Variants in ATXN2 observed in about 807,000 individuals in gnomAD.
ATXN2 encodes the protein ataxin 2, also known as ataxin-2.
Under a neutral mutation model 138.6 loss-of-function variants are expected in ATXN2, and 37 were observed. That is an observed-to-expected ratio of 0.27 (90% CI 0.21 to 0.35). The LOEUF is 0.35. Ranked by LOEUF, ATXN2 falls within the 10% of genes least tolerant of loss-of-function variation. ATXN2 has a pLI of 1.00. For synonymous variants in ATXN2, 549 were observed against 543.7 expected, an observed-to-expected ratio of 1.01 and a Z score of -0.13; for missense variants, 1,216 against 1,480.3, an observed-to-expected ratio of 0.82 and a Z score of 2.93.
chr12:111,566,539 A>C (rs895464085), intron 1 of ATXN2, among the ~76,000 whole-genome samples: 6 of 152,148 alleles, frequency 3.9e-5, no homozygotes, highest in African/African-American at 1.4e-4. Context: ...CTTTCTAAAA[A>C]GTATTCACCA....
rs777398096 is a variant in ATXN2, at chr12:111,539,850, A to G, written c.571+12430T>C. ...TTCAGAAATGTTCAAGAATCAAAAAACAGAATTTAGGAATTGAAATGCCAA... is the reference window on the plus strand; with the variant it reads ...TTCAGAAATGTTCAAGAATCAAAAAGCAGAATTTAGGAATTGAAATGCCAA... On this transcript the variant is annotated intron_variant, in intron 5 of 24. Transcript: ENST00000673436. Among the ~76,000 whole-genome samples the G allele has an allele frequency of 6.7e-4, 101 of 150,664 alleles. 12 individuals are homozygous for G. The highest frequency in any genetic ancestry group is 2.1e-3 in the South Asian group (10 of 4,774).
At chr12:111,544,590 G>C (rs1247506382) in intron 5 of ATXN2, among the ~76,000 whole-genome samples, 1 of 152,188 alleles carries the variant, frequency 6.6e-6, no homozygotes, top group East Asian at 1.9e-4. Context: ...GTGTGTGGTA[G>C]CTGGCAGTGT....
rs1875346925 is a variant in ATXN2, at chr12:111,458,934, C to G, written c.2897-1575G>C. Among the ~76,000 whole-genome samples the G allele has an allele frequency of 2.6e-5, 4 of 152,220 alleles. No individual in the cohort carries two copies. The South Asian group carries it at 6.2e-4, about 24-fold the overall frequency. The stretch of plus-strand genomic sequence containing the variant: ...AACTCTCCAGCCCTAACAGTTACGT[C>G]TCCAGCTGCAAAGCTATCTCTTAGC... On this transcript the variant is annotated intron_variant, in intron 21 of 24. Coordinates refer to ENST00000673436, the MANE Select transcript of ATXN2 (RefSeq NM_001372574.1).
At chr12:111,593,436 G>A (rs184223314) in intron 1 of ATXN2, among the ~76,000 whole-genome samples, 2 of 152,070 alleles carry the variant, frequency 1.3e-5, no homozygotes, top group Admixed American at 1.3e-4. Context: ...CTATTAAATA[G>A]CTACAATATG....
intron 14 of ATXN2, among the ~76,000 whole-genome samples, chr12:111,507,783 G>A (rs924197317): frequency 3.3e-5 from 5 of 152,256 alleles, no homozygotes; most frequent in African/African-American, 1.2e-4. Flanking sequence ...GAAAGAAGTA[G>A]ACATGGTAGA....
At chr12:111,507,418 C>T (rs1352694653) in intron 14 of ATXN2, among the ~76,000 whole-genome samples, 2 of 151,236 alleles carry the variant, frequency 1.3e-5, no homozygotes, top group Non-Finnish European at 1.5e-5. Context: ...TGAGAAGCCC[C>T]TCCGCCTGGC....
chr12:111,486,808 T>C lies in ATXN2; in HGVS notation c.2257A>G (p.Thr753Ala), dbSNP rs754020005. Reference protein sequence around the residue: ...KDAAEQVRKSTLNPNAKEFNP... With the variant: ...KDAAEQVRKSALNPNAKEFNP... ...AACTCCTTTGCATTGGGATTCAATG[T>C]TGATTTCCTAACTTGCCTAAAAAAA... Residue 753 changes from threonine (T) to alanine (A), a missense_variant, in exon 16 of 25, where the codon ACA becomes GCA. By Grantham distance (58) the Thr-to-Ala change is moderately conservative (BLOSUM62 0). Around this residue, in one of 4 missense-constraint regions of ATXN2, gnomAD observed 490 missense variants for 653.5 expected, o/e 0.75. Transcript: ENST00000673436. 3.1e-6 allele frequency: 5 copies of C among 1,612,900 alleles called. No individual in the cohort carries two copies. The highest frequency in any genetic ancestry group is 3.4e-6 in the Non-Finnish European group (4 of 1,179,110).
At chr12:111,537,039 T>C (rs1881224749) in intron 5 of ATXN2, among the ~76,000 whole-genome samples, 2 of 151,800 alleles carry the variant, frequency 1.3e-5, no homozygotes, top group African/African-American at 4.8e-5. Context: ...AGCCCCAGCC[T>C]CCCAAAGTGC....
chr12:111,541,346 CTTTTTTTTTTTT>C (rs62932861), intron 5 of ATXN2, among the ~76,000 whole-genome samples: 1 of 67,448 alleles, frequency 1.5e-5, no homozygotes. Context: ...AGTTATAATT[CTTTTTTTTTTTT>C]TTTTTTTTTT....
At chr12:111,492,607 G>A (rs1489725250) in intron 14 of ATXN2, among the ~76,000 whole-genome samples, 3 of 152,006 alleles carry the variant, frequency 2.0e-5, no homozygotes, top group Non-Finnish European at 4.4e-5. Flanking sequence ...GCTTGAATCC[G>A]GGAGACGGAG....
At chr12:111,597,803 C>T (rs1885012344) in intron 1 of ATXN2, 1 of 1,217,480 alleles carries the variant, frequency 8.2e-7, no homozygotes, top group Middle Eastern at 2.2e-4. Context: ...TCTCTCCTAG[C>T]ATTTCCGAAA....
intron 5 of ATXN2, among the ~76,000 whole-genome samples, chr12:111,526,909 C>T (rs1313805337): frequency 6.6e-6 from 1 of 152,122 alleles, no homozygotes; most frequent in Non-Finnish European, 1.5e-5. Context: ...CATATATAAC[C>T]ACTCTGCTAC....
Position 111,488,786 on chromosome 12 carries a change from T to C in ATXN2, c.1936-6A>G. ...GAAGTAGAACTTGGCTGTAACTAAA[T>C]AAAGGAAACAATTATACTTAAATAT... On this transcript the variant is annotated splice_polypyrimidine_tract_variant and splice_region_variant and intron_variant, in intron 14 of 24. Transcript: ENST00000673436. 1 of 1,587,166 alleles carries C rather than the reference T, an allele frequency of 6.3e-7. No homozygotes were observed. Among genetic ancestry groups the C allele is most frequent in the African/African-American group, 1.3e-5 (1 of 74,176 alleles).
Position 111,495,546 on chromosome 12 carries a change from C to T in ATXN2, c.1936-6766G>A, listed in dbSNP as rs542350451. On this transcript the variant is annotated intron_variant, in intron 14 of 24. Transcript: ENST00000673436. Reference sequence around the variant, plus strand: ...GGATCAATTCGGCAAGAGGTTATAACAAGTATAAATACATATGCAACCAAT... The same window carrying T: ...GGATCAATTCGGCAAGAGGTTATAATAAGTATAAATACATATGCAACCAAT... Among the ~76,000 whole-genome samples the T allele has an allele frequency of 2.4e-4, 36 of 152,136 alleles. 1 individual carries two copies. In the South Asian group the frequency reaches 7.3e-3, roughly 31 times the overall value.
chr12:111,537,896 G>T (rs987440459), intron 5 of ATXN2, among the ~76,000 whole-genome samples: 12 of 151,766 alleles, frequency 7.9e-5, no homozygotes, highest in African/African-American at 2.9e-4. Flanking sequence ...CAGAGTTTGA[G>T]ACCAGCCTGG....
chr12:111,481,377 G>C (rs190327148), intron 18 of ATXN2, among the ~76,000 whole-genome samples: 1 of 152,142 alleles, frequency 6.6e-6, no homozygotes. Context: ...CCCAGGAAGC[G>C]AAGGCTGCAG....
At chr12:111,496,477 A>G (rs1383380638) in intron 14 of ATXN2, among the ~76,000 whole-genome samples, 1 of 152,184 alleles carries the variant, frequency 6.6e-6, no homozygotes. Context: ...CAGAGGTTGC[A>G]GTAAGCCGAG....
intron 5 of ATXN2, among the ~76,000 whole-genome samples, chr12:111,538,718 A>C (rs1444724117): frequency 6.6e-6 from 1 of 150,378 alleles, no homozygotes; most frequent in Non-Finnish European, 1.5e-5. Flanking sequence ...ATTTGAACTG[A>C]AAATTGTTTA....
intron 1 of ATXN2, among the ~76,000 whole-genome samples, chr12:111,561,567 C>A (rs1400693729): frequency 1.3e-5 from 2 of 151,826 alleles, no homozygotes; most frequent in African/African-American, 4.8e-5. Flanking sequence ...GGCACAGTGG[C>A]TCACACTCAT....
Sources: gnomAD v4.1 joint callset for allele counts (sites outside exome capture counted in the v4.1 genomes callset) on GRCh38, gnomAD v4.1.1 for gene constraint, gnomAD v4.1.1 regional missense constraint, MANE v1.5 for transcripts, NCBI Gene and HGNC (gene_info 2026-07-23, HGNC 2026-07-21) for gene names.